Variants in RP9 observed in about 807,000 individuals in gnomAD.
RP9 encodes RP9 pre-mRNA splicing factor.
RP9 carries 23 observed loss-of-function variants against 32.6 expected under a neutral mutation model. That is an observed-to-expected ratio of 0.71 (90% confidence interval 0.51 to 1.00). RP9 has a LOEUF of 1.00. Among genes scored for constraint, RP9 ranks in the 50% least tolerant of loss-of-function variants. The pLI is 0.00. For missense variants in RP9, 245 were observed against 285.3 expected, an observed-to-expected ratio of 0.86 and a Z score of 1.02; for synonymous variants, 94 against 103.6, an observed-to-expected ratio of 0.91 and a Z score of 0.56.
chr7:33,103,413 A>G (rs1022264500), intron 1 of RP9, among the ~76,000 whole-genome samples: 5 of 152,224 alleles, frequency 3.3e-5, no homozygotes, highest in Admixed American at 3.3e-4. Context: ...GGTACCCTGC[A>G]GCATGAGCGC....
At chr7:33,099,548 TCTTAGTTAC>T (rs1394507937) in intron 2 of RP9, 112 bp from the exon 3 acceptor site, 1 of 1,115,516 alleles carries the variant, frequency 9.0e-7, no homozygotes, top group Non-Finnish European at 1.4e-6. Context: ...GCCAACATCA[TCTTAGTTAC>T]CCCTCAAAAC....
chr7:33,106,512 C>T (rs1466254175), intron 1 of RP9, among the ~76,000 whole-genome samples: 2 of 152,000 alleles, frequency 1.3e-5, no homozygotes, highest in Non-Finnish European at 2.9e-5. Flanking sequence ...ATTCGTTTAG[C>T]AAAAATTGCT....
chr7:33,106,962 C>A (rs79021619), intron 1 of RP9, among the ~76,000 whole-genome samples: 3,721 of 151,310 alleles, frequency 0.025, 125 homozygotes, highest in East Asian at 0.17. Context: ...AAAACAAAAA[C>A]CAAACAGTTA....
At chr7:33,108,293 T>C (rs768342846) in intron 1 of RP9, among the ~76,000 whole-genome samples, 2 of 151,992 alleles carry the variant, frequency 1.3e-5, no homozygotes, top group African/African-American at 2.4e-5. Flanking sequence ...ACTGAAAGAG[T>C]TGCTGCCTGA....
intron 5 of RP9, 144 bp from the exon 6 acceptor site, chr7:33,095,576 T>TC: frequency 8.5e-6 from 12 of 1,411,910 alleles, no homozygotes; most frequent in Non-Finnish European, 1.1e-5. Flanking sequence ...ACCTGTTTTC[T>TC]CATTCTTCTC....
intron 1 of RP9, among the ~76,000 whole-genome samples, chr7:33,104,498 T>C (rs1788471549): frequency 6.6e-6 from 1 of 151,954 alleles, no homozygotes; most frequent in Non-Finnish European, 1.5e-5. Flanking sequence ...AAGACTAACA[T>C]TATCATGAAA....
rs186464028 is a variant in RP9 at position 33,104,782 on chromosome 7, T to G, written c.153-4221A>C. Among the ~76,000 whole-genome samples the G allele has an allele frequency of 5.3e-3, 802 of 152,306 alleles. 7 individuals carry two copies. Among genetic ancestry groups the G allele is most frequent in the African/African-American group, 0.018 (764 of 41,562 alleles). Reference sequence around the variant, plus strand: ...TTTTTGTAGAGACAGGGTCTCACATTGTTGCCCAGGCTGGTCTTGAACTCT... The same window carrying G: ...TTTTTGTAGAGACAGGGTCTCACATGGTTGCCCAGGCTGGTCTTGAACTCT... On this transcript the variant is annotated intron_variant, in intron 1 of 5. Transcript: ENST00000297157.
intron 2 of RP9, chr7:33,100,198 C>A: frequency 2.6e-6 from 1 of 390,618 alleles, no homozygotes; most frequent in Non-Finnish European, 4.8e-6. Context: ...AAGAAACCAG[C>A]AGAGGATGGA....
intron 5 of RP9, among the ~76,000 whole-genome samples, chr7:33,095,747 A>G (rs1430854920): frequency 3.3e-5 from 5 of 152,132 alleles, no homozygotes; most frequent in Non-Finnish European, 4.4e-5. Flanking sequence ...CAATTTCTTA[A>G]TCTACATCTT....
chr7:33,107,806 T>C (rs574559164), intron 1 of RP9, among the ~76,000 whole-genome samples: 1 of 152,356 alleles, frequency 6.6e-6, no homozygotes, highest in East Asian at 1.9e-4. Flanking sequence ...CAAAGAACTG[T>C]TTTCAAAGAG....
At chr7:33,100,789 C>T in intron 1 of RP9, 1 of 676,066 alleles carries the variant, frequency 1.5e-6, no homozygotes, top group Admixed American at 2.1e-5. Flanking sequence ...TATTTCCATC[C>T]AGGGACTGAA....
chr7:33,108,262 A>T (rs1407178710), intron 1 of RP9, among the ~76,000 whole-genome samples: 1 of 152,248 alleles, frequency 6.6e-6, no homozygotes, highest in Non-Finnish European at 1.5e-5. Context: ...TATGCAGCTA[A>T]TTATAGAATC....
chr7:33,096,433 T>TC, intron 5 of RP9, 60 bp downstream of exon 5: 2 of 1,272,268 alleles, frequency 1.6e-6, no homozygotes, highest in African/African-American at 2.9e-5. Flanking sequence ...AGTGGTTTTC[T>TC]CCAACTTTAT....
At chr7:33,097,494 C>T in intron 3 of RP9, 132 bp from the exon 4 acceptor site, 1 of 674,170 alleles carries the variant, frequency 1.5e-6, no homozygotes, top group Non-Finnish European at 2.5e-6. Context: ...ATGGACAAGC[C>T]ATGTAAGATC....
chr7:33,097,217 C>A, intron 4 of RP9, 54 bp downstream of exon 4: 1 of 1,359,222 alleles, frequency 7.4e-7, no homozygotes, highest in South Asian at 1.2e-5. Flanking sequence ...TTCTGCTTCA[C>A]TGATTTTCAC....
chr7:33,108,563 G>A (rs1788533656), intron 1 of RP9, among the ~76,000 whole-genome samples: 1 of 152,132 alleles, frequency 6.6e-6, no homozygotes, highest in African/African-American at 2.4e-5. Flanking sequence ...CACCTATAAA[G>A]GAAATTTTCT....
Position 33,102,644 on chromosome 7 carries a change from TTTG to T in RP9, c.153-2086_153-2084del, listed in dbSNP as rs570016818. On this transcript the variant is annotated intron_variant, in intron 1 of 5. Coordinates refer to ENST00000297157, the MANE Select transcript of RP9 (RefSeq NM_203288.2). ...CAAGTGTGTACAGAGTAAGAAATCT[TTTG>T]TTAAGTGTTTCAAATTACTCTTTCT... Among the ~76,000 whole-genome samples, 298 of 152,314 alleles carry T rather than the reference TTTG, an allele frequency of 2.0e-3. 2 individuals carry two copies. The highest frequency in any genetic ancestry group is 6.8e-3 in the Middle Eastern group (2 of 294).
At chr7:33,106,667 TG>T (rs1018841752) in intron 1 of RP9, among the ~76,000 whole-genome samples, 1 of 151,908 alleles carries the variant, frequency 6.6e-6, no homozygotes, top group Non-Finnish European at 1.5e-5. Context: ...ATACAGTTGG[TG>T]GGCGCAGCGG....
chr7:33,100,486 A>G, intron 2 of RP9, 45 bp downstream of exon 2: 1 of 1,507,942 alleles, frequency 6.6e-7, no homozygotes, highest in Non-Finnish European at 9.2e-7. Flanking sequence ...CTGAGTCTAC[A>G]AGTATGTCTT....
Sources: gnomAD v4.1 joint callset for allele counts (sites outside exome capture counted in the v4.1 genomes callset) on GRCh38, gnomAD v4.1.1 for gene constraint, MANE v1.5 for transcripts, NCBI Gene and HGNC (gene_info 2026-07-23, HGNC 2026-07-21) for gene names.